TTYH3: variants seen among roughly 807,000 people sequenced by gnomAD.
TTYH3 encodes the protein tweety family member 3, also known as protein tweety homolog 3.
In TTYH3, 23 loss-of-function variants were observed where a neutral mutation model predicts 68.2. That is an observed-to-expected ratio of 0.34 (90% confidence interval 0.24 to 0.48). The LOEUF (loss-of-function observed/expected upper bound fraction) is 0.48. Among genes scored for constraint, TTYH3 ranks in the 20% least tolerant of loss-of-function variants. TTYH3 has a pLI of 0.99. For synonymous variants in TTYH3, 360 were observed against 332.8 expected (o/e 1.08, Z -0.89); for missense variants, 768 against 727.7 (o/e 1.06, Z -0.64).
chr7:2,645,668 G>T lies in TTYH3; in HGVS notation c.124-1185G>T, dbSNP rs1467169990. The T allele has an allele frequency of 7.4e-6, 3 of 405,014 alleles. No individual in the cohort carries two copies. Among genetic ancestry groups the T allele is most frequent in the Non-Finnish European group, 1.0e-5 (2 of 193,874 alleles). The allele number at this position is 405,014 out of a possible 1,614,324, so 25.1% of individuals were successfully genotyped here. A position where few individuals can be genotyped will look rare whatever the true frequency, so the allele number is the denominator to read the frequency against. On this transcript the variant is annotated intron_variant, in intron 1 of 13. Coordinates refer to ENST00000258796, the MANE Select transcript of TTYH3 (RefSeq NM_025250.3). The surrounding 1 kb of genome is among the most constrained non-coding windows in gnomAD (Gnocchi z 4.8). The stretch of plus-strand genomic sequence containing the variant: ...AGCCCCACCATCTCATCCAGCGTGG[G>T]GGCACGCCATGGACGGTGCCCACCC...
In TTYH3 at chr7:2,645,983, T is replaced by G. The variant is rs1210748848; in HGVS notation, c.124-870T>G. On this transcript the variant is annotated intron_variant, in intron 1 of 13. Coordinates refer to ENST00000258796, the MANE Select transcript of TTYH3 (RefSeq NM_025250.3). The surrounding 1 kb of genome is among the most constrained non-coding windows in gnomAD (Gnocchi z 4.8). Reference sequence around the variant, plus strand: ...ACAGTAGCTGATGCCGGCAGCCCCCTCCCCAGGGCTTCGCTTCTTCGGGGG... The same window carrying G: ...ACAGTAGCTGATGCCGGCAGCCCCCGCCCCAGGGCTTCGCTTCTTCGGGGG... 2 of 346,146 alleles carry G rather than the reference T, an allele frequency of 5.8e-6. No individual in the cohort carries two copies. Among genetic ancestry groups the G allele is most frequent in the Non-Finnish European group, 5.9e-6 (1 of 169,538 alleles). The allele number at this position is 346,146 out of a possible 1,614,324, so 21.4% of individuals were successfully genotyped here. A position where few individuals can be genotyped will look rare whatever the true frequency, so the allele number is the denominator to read the frequency against.
intron 1 of TTYH3, among the ~76,000 whole-genome samples, chr7:2,634,739 C>G (rs1369028080): frequency 6.6e-6 from 1 of 152,170 alleles, no homozygotes. Flanking sequence ...CTGCCTGTCA[C>G]TAGTCACTTT....
intron 1 of TTYH3, among the ~76,000 whole-genome samples, chr7:2,634,127 T>A (rs1379041660): frequency 6.6e-6 from 1 of 152,224 alleles, no homozygotes; most frequent in East Asian, 1.9e-4. Flanking sequence ...ACTGAATAAT[T>A]CACGATGTGG....
chr7:2,661,928 C>G lies in TTYH3; in HGVS notation c.*189C>G. ...AGTGGAGACGCAGGGGCTCTGGGCC[C>G]GTACCGCCAACTCGGGTCACACCTG... On this transcript the variant is annotated 3_prime_UTR_variant, in exon 14 of 14. Coordinates refer to ENST00000258796, the MANE Select transcript of TTYH3 (RefSeq NM_025250.3). 1 of 654,104 alleles carries G rather than the reference C, an allele frequency of 1.5e-6. No individual in the cohort carries two copies. Among genetic ancestry groups the G allele is most frequent in the Non-Finnish European group, 2.7e-6 (1 of 377,092 alleles). 40.5% of individuals were successfully genotyped at this position (654,104 alleles called of 1,614,324 possible).
At chr7:2,659,100 A>C in intron 13 of TTYH3, 85 bp downstream of exon 13, 1 of 1,199,178 alleles carries the variant, frequency 8.3e-7, no homozygotes, top group South Asian at 1.2e-5. Context: ...CTGGTGTGGC[A>C]TGTGCAGCCA....
chr7:2,653,736 G>A (rs911182266), intron 9 of TTYH3, among the ~76,000 whole-genome samples: 10 of 152,302 alleles, frequency 6.6e-5, no homozygotes, highest in South Asian at 2.1e-4. Context: ...GGTGGTACAC[G>A]CCTGTAATCC....
In TTYH3 at chr7:2,646,834, G is replaced by A. The variant is rs772926913; in HGVS notation, c.124-19G>A. ...GCTGGGGGTCCACCCCTCCAGCGCC[G>A]CTTCCTGCCTGCCCTCAGGCCCTGC... On this transcript the variant is annotated intron_variant, in intron 1 of 13. Transcript: ENST00000258796. 6 of 1,588,558 alleles carry A rather than the reference G, an allele frequency of 3.8e-6. No homozygotes were observed. Among genetic ancestry groups the A allele is most frequent in the South Asian group, 2.2e-5 (2 of 89,536 alleles).
chr7:2,638,520 C>T (rs1421847755), intron 1 of TTYH3, among the ~76,000 whole-genome samples: 1 of 152,098 alleles, frequency 6.6e-6, no homozygotes, highest in Non-Finnish European at 1.5e-5. Context: ...GAGGGCCAGC[C>T]CGGAGGGAGC....
intron 1 of TTYH3, among the ~76,000 whole-genome samples, chr7:2,644,525 G>T (rs560502684): frequency 6.6e-6 from 1 of 152,328 alleles, no homozygotes; most frequent in East Asian, 1.9e-4. Flanking sequence ...CCATGAGACC[G>T]CCCTGAGCTG....
At chr7:2,657,127 G>C (rs998261066) in intron 11 of TTYH3, among the ~76,000 whole-genome samples, 1 of 152,206 alleles carries the variant, frequency 6.6e-6, no homozygotes, top group African/African-American at 2.4e-5. Context: ...GGGGTGACAG[G>C]CTCCTTCCCT....
chr7:2,637,545 G>A (rs1383915612), intron 1 of TTYH3, among the ~76,000 whole-genome samples: 7 of 151,970 alleles, frequency 4.6e-5, no homozygotes, highest in Non-Finnish European at 1.5e-5. Context: ...ACCCAGGGGT[G>A]CAGGTTTAGG....
Position 2,635,252 on chromosome 7 carries a change from C to T in TTYH3, c.123+2974C>T, listed in dbSNP as rs551801656. Reference sequence around the variant, plus strand: ...CTGAATGTCAAGTGGGTCTGGCTGTCCTGCCCCGGGCAGGGGCCCTTGAGG... The same window carrying T: ...CTGAATGTCAAGTGGGTCTGGCTGTTCTGCCCCGGGCAGGGGCCCTTGAGG... On this transcript the variant is annotated intron_variant, in intron 1 of 13. Transcript: ENST00000258796. Among the ~76,000 whole-genome samples the T allele has an allele frequency of 9.8e-5, 15 of 152,330 alleles. No individual in the cohort carries two copies. In the East Asian group the frequency reaches 2.9e-3, roughly 29 times the overall value.
Position 2,647,150 on chromosome 7 carries a change from T to C in TTYH3, c.302T>C (p.Ile101Thr). 6.2e-7 allele frequency: 1 copy of C among 1,603,800 alleles called. No individual in the cohort carries two copies. The highest frequency in any genetic ancestry group is 8.5e-7 in the Non-Finnish European group (1 of 1,176,906). The change falls in exon 3 of 14, where the codon ATC (isoleucine) becomes ACC (threonine). Residue 101 changes from isoleucine (I) to threonine (T), a missense_variant. Coordinates refer to ENST00000258796, the MANE Select transcript of TTYH3 (RefSeq NM_025250.3). ...GGGCCCGCCCTCTCCAGCGCCGGCA[T>C]CGCAGTGGGATTCTACGGCAACGGG... ...IIATLVCSAGIAVGFYGNGET... is the reference protein window; with the variant it reads ...IIATLVCSAGTAVGFYGNGET...
At position 2,632,290 on chromosome 7, in the gene TTYH3, C is replaced by A; in HGVS notation, c.123+12C>A. ...CCGACTACCAGCAGGTGACATGGGC[C>A]TCTCGGGGTCGCGGGGTCAGGGACC... is the stretch of plus-strand genomic sequence containing the variant. On this transcript the variant is annotated intron_variant, in intron 1 of 13. Transcript: ENST00000258796. The A allele has an allele frequency of 6.4e-7, 1 of 1,562,324 alleles. No homozygotes were observed. Among genetic ancestry groups the A allele is most frequent in the South Asian group, 1.2e-5 (1 of 85,862 alleles).
intron 11 of TTYH3, among the ~76,000 whole-genome samples, chr7:2,657,429 T>C (rs1228606885): frequency 6.6e-6 from 1 of 151,152 alleles, no homozygotes; most frequent in Non-Finnish European, 1.5e-5. Flanking sequence ...GTGATGGTGA[T>C]GGTGATGGTG....
chr7:2,636,558 C>G lies in TTYH3; in HGVS notation c.123+4280C>G, dbSNP rs151273475. 1.8e-3 allele frequency among the ~76,000 whole-genome samples: 279 copies of G among 152,296 alleles called. 3 individuals are homozygous for G. Among genetic ancestry groups the G allele is most frequent in the African/African-American group, 6.3e-3 (263 of 41,540 alleles). Reference sequence around the variant, plus strand: ...GAAGCGGGCCAGACACGGAGGCCCCCGGGGAGCTGGGTGGAAGCTTCAGGA... The same window carrying G: ...GAAGCGGGCCAGACACGGAGGCCCCGGGGGAGCTGGGTGGAAGCTTCAGGA... On this transcript the variant is annotated intron_variant, in intron 1 of 13. Transcript: ENST00000258796.
At chr7:2,656,008 TGG>T in intron 9 of TTYH3, 82 bp from the exon 10 acceptor site, 2 of 1,123,572 alleles carry the variant, frequency 1.8e-6, no homozygotes, top group Non-Finnish European at 2.6e-6. Context: ...GAGGGAGACC[TGG>T]GGGCTTCCCA....
chr7:2,659,121 T>C (rs1365364549), intron 13 of TTYH3, 106 bp downstream of exon 13: 2 of 968,644 alleles, frequency 2.1e-6, no homozygotes, highest in African/African-American at 3.4e-5. Context: ...GTGTGAGCTC[T>C]GGGGGCAGCT....
chr7:2,649,741 T>A (rs1786109655), intron 6 of TTYH3, 102 bp downstream of exon 6: 1 of 1,492,366 alleles, frequency 6.7e-7, no homozygotes, highest in South Asian at 1.2e-5. Context: ...TCCCGGGCAC[T>A]GGGTCCCGAG....
Sources: gnomAD v4.1 joint callset for allele counts (sites outside exome capture counted in the v4.1 genomes callset) on GRCh38, gnomAD v4.1.1 for gene constraint, Gnocchi (gnomAD v3.1) non-coding constraint, MANE v1.5 for transcripts, NCBI Gene and HGNC (gene_info 2026-07-23, HGNC 2026-07-21) for gene names.